UBR2: variants seen among roughly 807,000 people sequenced by gnomAD.
The protein encoded by UBR2 is ubiquitin protein ligase E3 component n-recognin 2.
A neutral mutation model predicts 247.9 loss-of-function variants in UBR2; 92 were observed. That is an observed-to-expected ratio of 0.37 (90% CI 0.31 to 0.44). The LOEUF is 0.44. Among genes scored for constraint, UBR2 ranks in the 20% least tolerant of loss-of-function variants. UBR2 has a pLI of 1.00. For synonymous variants in UBR2, 672 were observed against 693.5 expected (o/e 0.97, Z 0.49); for missense variants, 1,613 against 2,112.6 (o/e 0.76, Z 4.64).
chr6:42,623,164 CAG>C (rs1208483020), intron 11 of UBR2, among the ~76,000 whole-genome samples: 10 of 152,090 alleles, frequency 6.6e-5, no homozygotes, highest in South Asian at 2.1e-4. Context: ...TATCTGATCT[CAG>C]GGGGAAAACT....
chr6:42,634,336 C>T lies in UBR2; in HGVS notation c.1546-1082C>T, dbSNP rs1236087511. 8.3e-6 allele frequency: 3 copies of T among 363,380 alleles called. 1 individual carries two copies. Among genetic ancestry groups the T allele is most frequent in the South Asian group, 4.2e-5 (2 of 47,202 alleles). The allele number at this position is 363,380 out of a possible 1,614,324, so 22.5% of individuals were successfully genotyped here. ...ATAACTGTAAGAAGATAGGTGACGTCTCTAAAAATCTGAGCAAGTACTATT... is the reference window on the plus strand; with the variant it reads ...ATAACTGTAAGAAGATAGGTGACGTTTCTAAAAATCTGAGCAAGTACTATT... On this transcript the variant is annotated intron_variant, in intron 13 of 46. Transcript: ENST00000372901.
chr6:42,606,498 G>A (rs1176825087), intron 6 of UBR2, 91 bp from the exon 7 acceptor site: 1 of 1,110,694 alleles, frequency 9.0e-7, no homozygotes, highest in Non-Finnish European at 1.3e-6. Flanking sequence ...GATCAGAATT[G>A]TTATATGCTT....
chr6:42,670,056 A>G lies in UBR2; in HGVS notation c.3882-36A>G, dbSNP rs747868559. 3 of 1,609,066 alleles carry G rather than the reference A, an allele frequency of 1.9e-6. No homozygotes were observed. In the African/African-American group the frequency reaches 4.0e-5, roughly 22 times the overall value. Reference sequence around the variant, plus strand: ...CGAACCATTTGATTGATATGTGCACATTGTTCTGAGCTAATTTTATACATG... The same window carrying G: ...CGAACCATTTGATTGATATGTGCACGTTGTTCTGAGCTAATTTTATACATG... On this transcript the variant is annotated intron_variant, in intron 34 of 46. Coordinates refer to ENST00000372901, the MANE Select transcript of UBR2 (RefSeq NM_001363705.2).
chr6:42,617,139 C>A (rs1794608731), intron 10 of UBR2: 3 of 927,192 alleles, frequency 3.2e-6, no homozygotes, highest in African/African-American at 1.6e-5. Context: ...GTTCTCATAG[C>A]AGTGTTATCT....
intron 42 of UBR2, among the ~76,000 whole-genome samples, chr6:42,681,406 A>G (rs1427799279): frequency 1.3e-5 from 2 of 152,064 alleles, no homozygotes; most frequent in East Asian, 3.9e-4. Context: ...GAATTCCTAC[A>G]ACAACAACAA....
At chr6:42,609,573 AAAG>A (rs1395410127) in intron 7 of UBR2, among the ~76,000 whole-genome samples, 1 of 152,102 alleles carries the variant, frequency 6.6e-6, no homozygotes, top group Non-Finnish European at 1.5e-5. Context: ...AAAAAAATAA[AAAG>A]GAGTAAATAC....
intron 44 of UBR2, among the ~76,000 whole-genome samples, chr6:42,687,106 CT>C (rs1251751180): frequency 1.3e-5 from 2 of 152,234 alleles, no homozygotes; most frequent in Non-Finnish European, 2.9e-5. Flanking sequence ...AGGCTGCAAT[CT>C]CCGCACTTTG....
At chr6:42,670,749 G>A (rs201543225) in intron 36 of UBR2, 34 bp downstream of exon 36, 4 of 1,562,346 alleles carry the variant, frequency 2.6e-6, no homozygotes, top group South Asian at 1.2e-5. Flanking sequence ...CATGATAGTG[G>A]GGCATGGAAA....
intron 44 of UBR2, among the ~76,000 whole-genome samples, chr6:42,686,614 C>T (rs879897364): frequency 3.9e-5 from 6 of 152,246 alleles, no homozygotes; most frequent in Admixed American, 2.0e-4. Context: ...GATGGGGTGG[C>T]GGCCAGGTAG....
intron 35 of UBR2, 35 bp from the exon 36 acceptor site, chr6:42,670,625 T>C (rs369327985): frequency 4.8e-5 from 69 of 1,428,508 alleles, no homozygotes; most frequent in Non-Finnish European, 6.5e-5. Context: ...ATACATAACA[T>C]AACATTTACC....
chr6:42,666,208 C>G lies in UBR2; in HGVS notation c.3844C>G (p.Gln1282Glu). The change falls in exon 34 of 47, where the codon CAG (glutamine) becomes GAG (glutamate). Residue 1282 changes from glutamine (Q) to glutamate (E), a missense_variant. Gln to Glu is a conservative substitution (Grantham distance 29). Coordinates refer to ENST00000372901, the MANE Select transcript of UBR2 (RefSeq NM_001363705.2). ...GAATTCAGAAAATGTGGATGAATTACAGCTCCCTGAAGGGTTCAGGCCTGA... is the reference window on the plus strand; with the variant it reads ...GAATTCAGAAAATGTGGATGAATTAGAGCTCCCTGAAGGGTTCAGGCCTGA... ...TKNSENVDELQLPEGFRPDFR... is the reference protein window; with the variant it reads ...TKNSENVDELELPEGFRPDFR... 6.2e-7 allele frequency: 1 copy of G among 1,612,812 alleles called. No individual in the cohort carries two copies. The highest frequency in any genetic ancestry group is 8.5e-7 in the Non-Finnish European group (1 of 1,179,392).
chr6:42,658,826 T>TTA lies in UBR2; in HGVS notation c.3242+2_3242+3insTA. ...AACCTCTGCTGTTCTTGATCATAGG[T>TTA]AAAAAAAAAAAAAAAAAAAATTAAT... On this transcript the variant is annotated splice_region_variant and intron_variant, in intron 29 of 46. Coordinates refer to ENST00000372901, the MANE Select transcript of UBR2 (RefSeq NM_001363705.2). The TTA allele has an allele frequency of 2.3e-6, 3 of 1,309,288 alleles. No homozygotes were observed. The highest frequency in any genetic ancestry group is 3.0e-6 in the Non-Finnish European group (3 of 1,012,578). 81.1% of individuals were successfully genotyped at this position (1,309,288 alleles called of 1,614,324 possible). A position where few individuals can be genotyped will look rare whatever the true frequency, so the allele number is the denominator to read the frequency against.
Position 42,619,436 on chromosome 6 carries a change from TATATATATATATATATA to T in UBR2, c.1281+1930_1281+1946del, listed in dbSNP as rs1478447904. 24 of 24,110 alleles carry T rather than the reference TATATATATATATATATA, an allele frequency of 1.0e-3. 2 individuals carry two copies. Among genetic ancestry groups the T allele is most frequent in the South Asian group, 9.6e-3 (8 of 830 alleles). The allele number at this position is 24,110 out of a possible 1,614,324, so 1.5% of individuals were successfully genotyped here. A position where few individuals can be genotyped will look rare whatever the true frequency, so the allele number is the denominator to read the frequency against. ...ACATATATATATATATATATATATA[TATATATATATATATATA>T]TTTTTTTTTTTTAGTTCTCTATCTC... On this transcript the variant is annotated intron_variant, in intron 11 of 46. Coordinates refer to ENST00000372901, the MANE Select transcript of UBR2 (RefSeq NM_001363705.2).
chr6:42,678,631 A>C lies in UBR2; in HGVS notation c.4571A>C (p.His1524Pro). The change falls in exon 41 of 47, where the codon CAT becomes CCT. Residue 1524 changes from histidine to proline, a missense_variant. His to Pro is a moderately conservative substitution (Grantham distance 77, BLOSUM62 -2). Coordinates refer to ENST00000372901, the MANE Select transcript of UBR2 (RefSeq NM_001363705.2). The stretch of plus-strand genomic sequence containing the variant: ...CTGAAGTGTTCTGCTTTATTTTTTC[A>C]TTACTTAAATGGAGTTCCTTCCCCA... ...PFLKCSALFF[H>P]YLNGVPSPPD... The C allele has an allele frequency of 1.2e-6, 2 of 1,612,478 alleles. No homozygotes were observed. The highest frequency in any genetic ancestry group is 1.7e-6 in the Non-Finnish European group (2 of 1,179,330).
intron 11 of UBR2, among the ~76,000 whole-genome samples, chr6:42,628,313 C>T (rs1417245549): frequency 6.6e-6 from 1 of 151,984 alleles, no homozygotes; most frequent in African/African-American, 2.4e-5. Context: ...TTATTATGCA[C>T]ATCCCTGGTT....
chr6:42,573,299 G>A (rs1471051447), intron 1 of UBR2, among the ~76,000 whole-genome samples: 5 of 152,088 alleles, frequency 3.3e-5, no homozygotes, highest in African/African-American at 7.2e-5. Flanking sequence ...CATGTTCACC[G>A]TACATATTGG....
At position 42,690,910 on chromosome 6, in the gene UBR2, C is replaced by G. The variant is rs1799720012; in HGVS notation, c.5127-122C>G. 3 of 1,258,138 alleles carry G rather than the reference C, an allele frequency of 2.4e-6. No individual in the cohort carries two copies. In the Admixed American group the frequency reaches 7.0e-5, roughly 29 times the overall value. 77.9% of individuals were successfully genotyped at this position (1,258,138 alleles called of 1,614,324 possible). A position where few individuals can be genotyped will look rare whatever the true frequency, so the allele number is the denominator to read the frequency against. ...TTAATAGCCACAGTCACCTGCCAGA[C>G]AGAAATGTTGCAGGGAGTCTAAAAC... is the stretch of plus-strand genomic sequence containing the variant. On this transcript the variant is annotated intron_variant, in intron 46 of 46. Transcript: ENST00000372901.
chr6:42,653,709 G>A (rs374975821), intron 25 of UBR2, among the ~76,000 whole-genome samples: 9 of 148,336 alleles, frequency 6.1e-5, no homozygotes, highest in East Asian at 4.0e-4. Flanking sequence ...TCTGCCTCCC[G>A]GGTTCAAGCA....
rs1798054793 is a variant in UBR2, at chr6:42,665,492, G to C, written c.3782G>C (p.Arg1261Thr). ...CAAATAAAAGCATTACAGTTTCTTA[G>C]GAAAGAAGAAAGTACTCCTAGTAAG... Reference protein sequence around the residue: ...SQQIKALQFLRKEESTPNNAS... With the variant: ...SQQIKALQFLTKEESTPNNAS... The change falls in exon 33 of 47, where the codon AGG (arginine) becomes ACG (threonine). Residue 1261 changes from arginine to threonine, a missense_variant. Coordinates refer to ENST00000372901, the MANE Select transcript of UBR2 (RefSeq NM_001363705.2). The C allele has an allele frequency of 6.2e-7, 1 of 1,611,604 alleles. No homozygotes were observed. Among genetic ancestry groups the C allele is most frequent in the Admixed American group, 1.7e-5 (1 of 59,770 alleles).
Sources: gnomAD v4.1 joint callset for allele counts (sites outside exome capture counted in the v4.1 genomes callset) on GRCh38, gnomAD v4.1.1 for gene constraint, MANE v1.5 for transcripts, NCBI Gene and HGNC (gene_info 2026-07-23, HGNC 2026-07-21) for gene names.